The following RNF41 variants were observed in gnomAD, a reference collection of about 807,000 sequenced individuals.
The protein encoded by RNF41 is ring finger protein 41.
Under a neutral mutation model 33.0 loss-of-function variants are expected in RNF41, and 4 were observed. The observed-to-expected ratio is 0.12, with a 90% CI of 0.06 to 0.28. RNF41 has a LOEUF of 0.28. RNF41 is among the 10% of genes least tolerant of loss of function. The probability of loss-of-function intolerance (pLI) is 1.00; values close to 1 mark genes in which losing one functional copy is unlikely to be tolerated. For synonymous variants in RNF41, 164 were observed against 153.2 expected (o/e 1.07, Z -0.52); for missense variants, 228 against 432.6 (o/e 0.53, Z 4.19).
intron 4 of RNF41, 37 bp downstream of exon 4, chr12:56,210,260 C>A (rs750231854): frequency 1.9e-6 from 3 of 1,600,094 alleles, no homozygotes; most frequent in African/African-American, 1.3e-5. Flanking sequence ...AATGAGATGG[C>A]CCTTATCCAT....
At chr12:56,208,333 G>C in intron 4 of RNF41, 35 bp from the exon 5 acceptor site, 1 of 1,610,786 alleles carries the variant, frequency 6.2e-7, no homozygotes, top group Admixed American at 1.7e-5. Flanking sequence ...CAGAACAGAG[G>C]TGATCCCTGG....
At position 56,207,746 on chromosome 12, in the gene RNF41, G is replaced by T. The variant is rs750672535; in HGVS notation, c.502C>A (p.Arg168=). 6.2e-7 allele frequency: 1 copy of T among 1,612,740 alleles called. No homozygotes were observed. The highest frequency in any genetic ancestry group is 2.2e-5 in the East Asian group (1 of 44,880). Residue 168 remains arginine, a synonymous_variant, in exon 6 of 7, where the codon CGA becomes AGA. Coordinates refer to ENST00000345093, the MANE Select transcript of RNF41 (RefSeq NM_005785.4). ...TATGCCTTTAGCAGCTGGATGTCTCGCTTCTGTTGTGGGGAAGAAGAACAG... is the reference window on the plus strand; with the variant it reads ...TATGCCTTTAGCAGCTGGATGTCTCTCTTCTGTTGTGGGGAAGAAGAACAG... ...EHKHQLAEQK[R]DIQLLKAYMR...
rs376685718 is a variant in RNF41 at position 56,206,316 on chromosome 12, G to C, written c.*131C>G. 1.2e-6 allele frequency: 1 copy of C among 823,804 alleles called. No individual in the cohort carries two copies. The allele number at this position is 823,804 out of a possible 1,614,324, so 51.0% of individuals were successfully genotyped here. On this transcript the variant is annotated 3_prime_UTR_variant, in exon 7 of 7. Coordinates refer to ENST00000345093, the MANE Select transcript of RNF41 (RefSeq NM_005785.4). This position sits in a 1 kb window ranked among gnomAD's most constrained non-coding sequence, Gnocchi z 5.7. ...ACTACCCCAAGGCCCTTCAGTGCCA[G>C]AAGGGCAGGGAGATGTGTGGCTCAG...
chr12:56,210,022 A>C, intron 4 of RNF41: 1 of 460,512 alleles, frequency 2.2e-6, no homozygotes. Flanking sequence ...GTAGTATTGG[A>C]CTGAAAGGGA....
At chr12:56,215,442 C>T (rs143564590) in intron 2 of RNF41, among the ~76,000 whole-genome samples, 3 of 151,922 alleles carry the variant, frequency 2.0e-5, no homozygotes, top group Non-Finnish European at 2.9e-5. Context: ...AAGAGAGGGC[C>T]GGGCATGGTG....
At chr12:56,207,173 A>G in intron 6 of RNF41, 1 of 1,322,480 alleles carries the variant, frequency 7.6e-7, no homozygotes, top group South Asian at 1.3e-5. Flanking sequence ...CTTACAGTTT[A>G]CTCTATGAAC....
intron 1 of RNF41, among the ~76,000 whole-genome samples, chr12:56,217,333 G>A (rs1057239266): frequency 3.9e-5 from 6 of 152,118 alleles, no homozygotes; most frequent in Non-Finnish European, 8.8e-5. Context: ...GATCACCTGA[G>A]GTCAGGAGTC....
At chr12:56,218,909 G>A (rs12422717) in intron 1 of RNF41, among the ~76,000 whole-genome samples, 4,188 of 150,512 alleles carry the variant, frequency 0.028, 370 homozygotes, top group East Asian at 0.27. Flanking sequence ...TCACCATGTT[G>A]GCCAGGATGG....
In RNF41 at chr12:56,202,215, A is replaced by G. The variant is rs2135792973; in HGVS notation, c.*4232T>C. The G allele has an allele frequency of 6.6e-6, 1 of 151,022 alleles. No individual in the cohort carries two copies. Among genetic ancestry groups the G allele is most frequent in the South Asian group, 2.1e-4 (1 of 4,776 alleles). The allele number at this position is 151,022 out of a possible 1,614,324, so 9.4% of individuals were successfully genotyped here. On this transcript the variant is annotated 3_prime_UTR_variant, in exon 7 of 7. Transcript: ENST00000345093. Reference sequence around the variant, plus strand: ...AAACAAAAAAAATTTTACTAGTATTAAAACAGATTAAGACAATTCCAGGTG... The same window carrying G: ...AAACAAAAAAAATTTTACTAGTATTGAAACAGATTAAGACAATTCCAGGTG...
chr12:56,219,938 G>A, intron 1 of RNF41, among the ~76,000 whole-genome samples: 1 of 151,698 alleles, frequency 6.6e-6, no homozygotes, highest in East Asian at 2.0e-4. Context: ...GGTCAACTGA[G>A]CCGAGGAGGC....
chr12:56,205,134 G>C lies in RNF41; in HGVS notation c.*1313C>G, dbSNP rs956455283. 2.0e-5 allele frequency: 3 copies of C among 152,218 alleles called. No individual in the cohort carries two copies. The South Asian group carries it at 6.2e-4, about 31-fold the overall frequency. The allele number at this position is 152,218 out of a possible 1,614,324, so 9.4% of individuals were successfully genotyped here. On this transcript the variant is annotated 3_prime_UTR_variant, in exon 7 of 7. Coordinates refer to ENST00000345093, the MANE Select transcript of RNF41 (RefSeq NM_005785.4). Reference sequence around the variant, plus strand: ...CAGCTCCAAGGAAACTTGGGGAAGGGGGAGTTGCCTTCAAAATGAATACTC... The same window carrying C: ...CAGCTCCAAGGAAACTTGGGGAAGGCGGAGTTGCCTTCAAAATGAATACTC...
Position 56,213,980 on chromosome 12 carries a change from C to G in RNF41, c.68G>C (p.Gly23Ala). The G allele has an allele frequency of 6.2e-7, 1 of 1,613,852 alleles. No homozygotes were observed. Among genetic ancestry groups the G allele is most frequent in the Non-Finnish European group, 8.5e-7 (1 of 1,179,784 alleles). The change falls in exon 3 of 7, where the codon GGA (glycine) becomes GCA (alanine). Residue 23 changes from glycine to alanine, a missense_variant. Physicochemically the swap from Gly to Ala is moderately conservative, Grantham distance 60. Transcript: ENST00000345093. The part of the protein sequence containing the change: ...DEDLICPICS[G>A]VLEEPVQAPH... ...CACCTGTACTGGCTCCTCCAAGACT[C>G]CACTGCAAATAGGGCAGATAAGATC...
chr12:56,215,029 G>A (rs1486596238), intron 2 of RNF41, among the ~76,000 whole-genome samples: 1 of 152,162 alleles, frequency 6.6e-6, no homozygotes, highest in African/African-American at 2.4e-5. Flanking sequence ...AACGTGTCCT[G>A]TAGGGCAAGA....
At position 56,205,361 on chromosome 12, in the gene RNF41, T is replaced by G. The variant is rs1337013138; in HGVS notation, c.*1086A>C. 1 of 151,748 alleles carries G rather than the reference T, an allele frequency of 6.6e-6. No homozygotes were observed. The highest frequency in any genetic ancestry group is 1.5e-5 in the Non-Finnish European group (1 of 67,952). The allele number at this position is 151,748 out of a possible 1,614,324, so 9.4% of individuals were successfully genotyped here. A position where few individuals can be genotyped will look rare whatever the true frequency, so the allele number is the denominator to read the frequency against. ...GCTCTTCCTATATTAAAGCCAAAGG[T>G]TGTGCTGAAAAGGAAAAAATATAAA... On this transcript the variant is annotated 3_prime_UTR_variant, in exon 7 of 7. Transcript: ENST00000345093.
At chr12:56,220,371 TG>T (rs201144447) in intron 1 of RNF41, among the ~76,000 whole-genome samples, 1 of 80 alleles carries the variant, frequency 0.013, no homozygotes, top group Admixed American at 0.083. Flanking sequence ...CATGCAGCCA[TG>T]CCCCGGCTAA....
Position 56,205,567 on chromosome 12 carries a change from A to AG in RNF41, c.*879dup, listed in dbSNP as rs1491137094. On this transcript the variant is annotated 3_prime_UTR_variant, in exon 7 of 7. Coordinates refer to ENST00000345093, the MANE Select transcript of RNF41 (RefSeq NM_005785.4). ...CATGATCAGGCCATTCTTAAAAAAA[A>AG]GAGGGGGGGGGGCAGTAGGTGGAGT... is the stretch of plus-strand genomic sequence containing the variant. The AG allele has an allele frequency of 0.013, 1,722 of 131,824 alleles. 58 individuals are homozygous for AG. Among genetic ancestry groups the AG allele is most frequent in the African/African-American group, 0.05 (1,659 of 33,330 alleles). 8.2% of individuals were successfully genotyped at this position (131,824 alleles called of 1,614,324 possible).
At position 56,205,530 on chromosome 12, in the gene RNF41, G is replaced by A. The variant is rs1278631302; in HGVS notation, c.*917C>T. The A allele has an allele frequency of 6.8e-6, 1 of 147,546 alleles. No homozygotes were observed. The highest frequency in any genetic ancestry group is 1.5e-5 in the Non-Finnish European group (1 of 67,162). 9.1% of individuals were successfully genotyped at this position (147,546 alleles called of 1,614,324 possible). A position where few individuals can be genotyped will look rare whatever the true frequency, so the allele number is the denominator to read the frequency against. ...AAATAAATTAAATTGCCAACAATGT[G>A]GCTGAGATAGCCATGATCAGGCCAT... On this transcript the variant is annotated 3_prime_UTR_variant, in exon 7 of 7. Transcript: ENST00000345093.
rs1878729880 is a variant in RNF41, at chr12:56,204,165, A to G, written c.*2282T>C. On this transcript the variant is annotated 3_prime_UTR_variant, in exon 7 of 7. Transcript: ENST00000345093. ...CAAAGTTGCTTGTGGGACAAAGGAAAAAGATATATACATATCTTCTGTAGA... is the reference window on the plus strand; with the variant it reads ...CAAAGTTGCTTGTGGGACAAAGGAAGAAGATATATACATATCTTCTGTAGA... 2 of 152,224 alleles carry G rather than the reference A, an allele frequency of 1.3e-5. No individual in the cohort carries two copies. The highest frequency in any genetic ancestry group is 4.1e-4 in the South Asian group (2 of 4,830). 9.4% of individuals were successfully genotyped at this position (152,224 alleles called of 1,614,324 possible).
chr12:56,221,876 G>T lies in RNF41; in HGVS notation c.-325C>A, dbSNP rs143075652. The T allele has an allele frequency of 6.6e-6, 1 of 152,620 alleles. No individual in the cohort carries two copies. The highest frequency in any genetic ancestry group is 2.4e-5 in the African/African-American group (1 of 41,578). 9.5% of individuals were successfully genotyped at this position (152,620 alleles called of 1,614,324 possible). A position where few individuals can be genotyped will look rare whatever the true frequency, so the allele number is the denominator to read the frequency against. ...CCTCTCCCGGGAAGGGAAGGGAAAG[G>T]GGAAGGAGGGGAAAGAAGACTCCTA... On this transcript the variant is annotated 5_prime_UTR_variant, in exon 1 of 7. Transcript: ENST00000345093.
Sources: gnomAD v4.1 joint callset for allele counts (sites outside exome capture counted in the v4.1 genomes callset) on GRCh38, gnomAD v4.1.1 for gene constraint, Gnocchi (gnomAD v3.1) non-coding constraint, MANE v1.5 for transcripts, NCBI Gene and HGNC (gene_info 2026-07-23, HGNC 2026-07-21) for gene names.